The following ZNF75D variants were observed in gnomAD, a reference collection of about 807,000 sequenced individuals.
ZNF75D encodes zinc finger protein 75.
A neutral mutation model predicts 33.3 loss-of-function variants in ZNF75D; 33 were observed. The ratio of observed to expected loss-of-function variants is 0.99; its 90% CI spans 0.75 to 1.32. ZNF75D has a LOEUF of 1.32. Ranked by LOEUF, ZNF75D falls within the 40% of genes most tolerant of loss-of-function variation. The pLI is 0.00. For synonymous variants in ZNF75D, 113 were observed against 130.6 expected, an observed-to-expected ratio of 0.87 and a Z score of 0.92; for missense variants, 338 against 367.5, an observed-to-expected ratio of 0.92 and a Z score of 0.66.
At chrX:135,318,027 C>T (rs376550539) in intron 1 of ZNF75D, among the ~76,000 whole-genome samples, 3 of 107,621 alleles carry the variant, frequency 2.8e-5, no homozygotes, top group African/African-American at 6.8e-5. Flanking sequence ...GGTGTGGTAG[C>T]CTATGCTCAC....
At chrX:135,310,293 C>G (rs1458813439) in intron 1 of ZNF75D, among the ~76,000 whole-genome samples, 1 of 111,593 alleles carries the variant, frequency 9.0e-6, no homozygotes, top group Non-Finnish European at 1.9e-5. Context: ...GAAGTGAAGC[C>G]ACCCAATAGT....
In ZNF75D at chrX:135,287,394, A is replaced by G; in HGVS notation, c.1276T>C (p.Cys426Arg). Reference protein sequence around the residue: ...QGIKPYRCSWCGKSFSHNTNL... With the variant: ...QGIKPYRCSWRGKSFSHNTNL... ...GTGTTATGACTAAAGCTTTTCCCACACCATGAGCATCTATATGGTTTTATT... is the reference window on the plus strand; with the variant it reads ...GTGTTATGACTAAAGCTTTTCCCACGCCATGAGCATCTATATGGTTTTATT... The change falls in exon 7 of 7, where the codon TGT (cysteine) becomes CGT (arginine). Residue 426 changes from cysteine (C) to arginine (R), a missense_variant. Physicochemically the swap from Cys to Arg is radical, Grantham distance 180. Transcript: ENST00000370766. 1.7e-6 allele frequency: 2 copies of G among 1,211,763 alleles called. No homozygotes were observed. Among genetic ancestry groups the G allele is most frequent in the Non-Finnish European group, 1.1e-6 (1 of 895,396 alleles).
At chrX:135,319,704 C>T (rs1353333758) in intron 1 of ZNF75D, among the ~76,000 whole-genome samples, 1 of 111,921 alleles carries the variant, frequency 8.9e-6, no homozygotes. Flanking sequence ...AAGATCAGTT[C>T]AGAAGTCATG....
intron 1 of ZNF75D, among the ~76,000 whole-genome samples, chrX:135,265,003 G>A (rs1556416116): frequency 8.9e-6 from 1 of 111,975 alleles, no homozygotes; most frequent in East Asian, 2.8e-4. Context: ...GGCAGATCAC[G>A]GGGTCAGAAG....
chrX:135,328,328 C>A (rs2084607524), intron 1 of ZNF75D, among the ~76,000 whole-genome samples: 1 of 111,429 alleles, frequency 9.0e-6, no homozygotes, highest in African/African-American at 3.3e-5. Flanking sequence ...CCAGGTAGAA[C>A]CATGTAAAGA....
intron 1 of ZNF75D, among the ~76,000 whole-genome samples, chrX:135,308,753 C>CAGGATGGAAACTCAGA (rs782626719): frequency 9.0e-6 from 1 of 111,681 alleles, no homozygotes; most frequent in East Asian, 2.8e-4. Flanking sequence ...ATTATGTTCC[C>CAGGATGGAAACTCAGA]AGGATGGAAA....
chrX:135,325,778 G>C (rs953127065), intron 1 of ZNF75D, among the ~76,000 whole-genome samples: 2 of 108,938 alleles, frequency 1.8e-5, no homozygotes, highest in Non-Finnish European at 1.9e-5. Context: ...CTCCCTGAGA[G>C]GCGCCACCCC....
intron 1 of ZNF75D, among the ~76,000 whole-genome samples, chrX:135,311,519 C>T (rs1425342443): frequency 8.9e-6 from 1 of 112,307 alleles, no homozygotes; most frequent in Non-Finnish European, 1.9e-5. Context: ...CTTATCATTA[C>T]ATTATATGCT....
chrX:135,287,956 G>A (rs2083981583), intron 6 of ZNF75D, 110 bp from the exon 7 acceptor site: 2 of 635,554 alleles, frequency 3.1e-6, no homozygotes, highest in Non-Finnish European at 4.8e-6. Context: ...AGGAACAAGT[G>A]ATTTCTGGTC....
chrX:135,267,316 G>A (rs1483600413), intron 1 of ZNF75D, among the ~76,000 whole-genome samples: 2 of 110,938 alleles, frequency 1.8e-5, no homozygotes, highest in Non-Finnish European at 3.8e-5. Context: ...AAAGACCAAT[G>A]AAACAAAAGC....
At chrX:135,271,104 T>C (rs782396900) in intron 1 of ZNF75D, among the ~76,000 whole-genome samples, 1 of 111,607 alleles carries the variant, frequency 9.0e-6, no homozygotes. Context: ...GTTTCCTCTA[T>C]AATGCTACAA....
At chrX:135,289,627 GACACACACACAC>G (rs60550937) in intron 6 of ZNF75D, among the ~76,000 whole-genome samples, 26,060 of 88,657 alleles carry the variant, frequency 0.29, 3,454 homozygotes, top group Non-Finnish European at 0.4. Flanking sequence ...CACACACACA[GACACACACACAC>G]ACACACACAC....
In ZNF75D at chrX:135,300,746, CAA is replaced by C. The variant is rs57422132; in HGVS notation, c.-390-4709_-390-4708del. ...TGGGCGACAGAGTGAGACTCCATCT[CAA>C]AAAAAAAAAAAAAAATCACACAATT... On this transcript the variant is annotated intron_variant, in intron 1 of 6. Coordinates refer to ENST00000370766, the MANE Select transcript of ZNF75D (RefSeq NM_007131.5). Among the ~76,000 whole-genome samples the C allele has an allele frequency of 3.9e-3, 329 of 85,269 alleles. 1 individual carries two copies. Among genetic ancestry groups the C allele is most frequent in the African/African-American group, 8.3e-3 (190 of 22,853 alleles). The allele number at this position is 85,269 out of a possible 115,157, so 74.0% of individuals were successfully genotyped here. A position where few individuals can be genotyped will look rare whatever the true frequency, so the allele number is the denominator to read the frequency against.
chrX:135,314,527 C>T (rs2084396738), intron 1 of ZNF75D, among the ~76,000 whole-genome samples: 2 of 111,330 alleles, frequency 1.8e-5, no homozygotes, highest in African/African-American at 6.5e-5. Flanking sequence ...AGGGAGAATT[C>T]CCTTCTCTTA....
chrX:135,260,153 C>A (rs2083832810), intron 1 of ZNF75D, among the ~76,000 whole-genome samples: 1 of 112,131 alleles, frequency 8.9e-6, no homozygotes, highest in Non-Finnish European at 1.9e-5. Context: ...CCCACTTGAT[C>A]ATGACAGAGA....
chrX:135,278,738 T>G (rs1291576818), intron 1 of ZNF75D, among the ~76,000 whole-genome samples: 3 of 112,282 alleles, frequency 2.7e-5, no homozygotes, highest in Non-Finnish European at 3.8e-5. Flanking sequence ...CTGCATCTAT[T>G]GAGATAATCA....
chrX:135,322,551 T>C (rs1388703104), intron 1 of ZNF75D, among the ~76,000 whole-genome samples: 1 of 112,219 alleles, frequency 8.9e-6, no homozygotes, highest in African/African-American at 3.2e-5. Context: ...GATAGACAGA[T>C]AGATAGACAG....
intron 1 of ZNF75D, among the ~76,000 whole-genome samples, chrX:135,324,212 A>C (rs1235785367): frequency 1.8e-5 from 2 of 111,997 alleles, no homozygotes; most frequent in Admixed American, 9.4e-5. Context: ...ACCCCAGTTT[A>C]CAGATGAGAA....
At chrX:135,284,338 T>C (rs781962198), downstream of ZNF75D, among the ~76,000 whole-genome samples, 2 of 112,068 alleles carry the variant, frequency 1.8e-5, no homozygotes, top group Middle Eastern at 9.1e-3. Context: ...TTTATTTCCT[T>C]ACTTCCCATA....
Sources: gnomAD v4.1 joint callset for allele counts (sites outside exome capture counted in the v4.1 genomes callset) on GRCh38, gnomAD v4.1.1 for gene constraint, MANE v1.5 for transcripts, NCBI Gene and HGNC (gene_info 2026-07-23, HGNC 2026-07-21) for gene names.